The following TMPRSS3 variants were observed in gnomAD, a reference collection of about 807,000 sequenced individuals.
TMPRSS3 encodes transmembrane protease serine 3.
Under a neutral mutation model 59.6 loss-of-function variants are expected in TMPRSS3, and 55 were observed. The observed-to-expected ratio is 0.92, with a 90% CI of 0.74 to 1.16. The LOEUF is 1.16. TMPRSS3 is among the 50% of genes most tolerant of loss of function. TMPRSS3 has a pLI of 0.00. For missense variants in TMPRSS3, 596 were observed against 579.4 expected (o/e 1.03, Z -0.29); for synonymous variants, 257 against 237.7 (o/e 1.08, Z -0.75).
rs561523336 is a variant in TMPRSS3 at position 42,384,152 on chromosome 21, T to C, written c.573-139A>G. On this transcript the variant is annotated intron_variant, in intron 6 of 12. Transcript: ENST00000644384. The stretch of plus-strand genomic sequence containing the variant: ...GAATATAGATTACAATTTTAGTCTA[T>C]GTTCAAAAAAAAAAAAAACCATGAG... 1.4e-5 allele frequency: 10 copies of C among 720,448 alleles called. No homozygotes were observed. In the African/African-American group the frequency reaches 1.8e-4, roughly 13 times the overall value. The allele number at this position is 720,448 out of a possible 1,614,324, so 44.6% of individuals were successfully genotyped here.
At chr21:42,389,578 T>C (rs1260300346) in intron 3 of TMPRSS3, among the ~76,000 whole-genome samples, 1 of 152,254 alleles carries the variant, frequency 6.6e-6, no homozygotes, top group Admixed American at 6.5e-5. Flanking sequence ...AAACAGCTGG[T>C]GCGCCTGCAT....
chr21:42,377,677 G>GT (rs2052454456), intron 10 of TMPRSS3, among the ~76,000 whole-genome samples: 1 of 152,210 alleles, frequency 6.6e-6, no homozygotes, highest in African/African-American at 2.4e-5. Flanking sequence ...GCATCTTGGT[G>GT]TTTTAAAGAC....
chr21:42,389,107 C>A (rs2052690019), intron 3 of TMPRSS3, 62 bp from the exon 4 acceptor site: 1 of 1,607,144 alleles, frequency 6.2e-7, no homozygotes, highest in Non-Finnish European at 8.5e-7. Context: ...ACACTAACAA[C>A]TGTCCCCCTG....
At chr21:42,376,480 C>A in intron 11 of TMPRSS3, 61 bp downstream of exon 11, 1 of 1,607,140 alleles carries the variant, frequency 6.2e-7, no homozygotes, top group African/African-American at 1.3e-5. Context: ...ACGCTGGCAA[C>A]GACCTGTCCC....
At position 42,372,346 on chromosome 21, in the gene TMPRSS3, G is replaced by A. The variant is rs1312028092; in HGVS notation, c.*416C>T. 2.2e-6 allele frequency: 1 copy of A among 457,240 alleles called. No individual in the cohort carries two copies. Among genetic ancestry groups the A allele is most frequent in the East Asian group, 6.9e-5 (1 of 14,564 alleles). 28.3% of individuals were successfully genotyped at this position (457,240 alleles called of 1,614,324 possible). A position where few individuals can be genotyped will look rare whatever the true frequency, so the allele number is the denominator to read the frequency against. On this transcript the variant is annotated 3_prime_UTR_variant, in exon 13 of 13. Coordinates refer to ENST00000644384, the MANE Select transcript of TMPRSS3 (RefSeq NM_001256317.3). ...AGGCTGAAGCAGGCACATCATTTGA[G>A]GTCAGGGGTTTGAGAGCAGCCTGGC...
chr21:42,383,811 G>T, intron 7 of TMPRSS3, 159 bp downstream of exon 7: 1 of 780,434 alleles, frequency 1.3e-6, no homozygotes, highest in Non-Finnish European at 2.3e-6. Context: ...GGATGACACT[G>T]CTCCCCTCCT....
intron 6 of TMPRSS3, 109 bp downstream of exon 6, chr21:42,385,300 G>C: frequency 6.7e-7 from 1 of 1,498,734 alleles, no homozygotes. Flanking sequence ...CCTTCCATCT[G>C]AGATAACACA....
Position 42,389,190 on chromosome 21 carries a change from C to T in TMPRSS3, c.206-145G>A, listed in dbSNP as rs149826945. 845 of 1,505,738 alleles carry T rather than the reference C, an allele frequency of 5.6e-4. 3 individuals are homozygous for T. In the African/African-American group the frequency reaches 9.3e-3, roughly 17 times the overall value. The allele number at this position is 1,505,738 out of a possible 1,614,324, so 93.3% of individuals were successfully genotyped here. A position where few individuals can be genotyped will look rare whatever the true frequency, so the allele number is the denominator to read the frequency against. On this transcript the variant is annotated intron_variant, in intron 3 of 12. Transcript: ENST00000644384. ...TTGCGTCCCTGTCAGCAGCCTGTTT[C>T]CTGCAGCCCAGTTTCTGTTTTGAAT...
In TMPRSS3 at chr21:42,382,207, G is replaced by T. The variant is rs144303402; in HGVS notation, c.810C>A (p.Ile270=). The T allele has an allele frequency of 5.6e-6, 9 of 1,614,080 alleles. No homozygotes were observed. Among genetic ancestry groups the T allele is most frequent in the Non-Finnish European group, 6.8e-6 (8 of 1,180,036 alleles). ...YDLYLPKSWT[I]QVGLVSLLDN... ...CCAACAGGGAAACTAGACCCACCTG[G>T]ATGGTCCATGACTTGGGGAGGTACA... Residue 270 remains isoleucine, a synonymous_variant, in exon 9 of 13, where the codon ATC becomes ATA. Coordinates refer to ENST00000644384, the MANE Select transcript of TMPRSS3 (RefSeq NM_001256317.3).
At chr21:42,376,476 G>A in intron 11 of TMPRSS3, 65 bp downstream of exon 11, 1 of 1,605,468 alleles carries the variant, frequency 6.2e-7, no homozygotes, top group Non-Finnish European at 8.5e-7. Flanking sequence ...GGAAACGCTG[G>A]CAACGACCTG....
intron 2 of TMPRSS3, among the ~76,000 whole-genome samples, chr21:42,394,124 G>GAAC (rs1443430046): frequency 1.3e-5 from 2 of 151,926 alleles, no homozygotes; most frequent in African/African-American, 4.8e-5. Flanking sequence ...TTCTTCTAAT[G>GAAC]AACAATACAT....
intron 10 of TMPRSS3, among the ~76,000 whole-genome samples, chr21:42,378,537 C>A (rs533403515): frequency 6.6e-6 from 1 of 152,216 alleles, no homozygotes; most frequent in East Asian, 1.9e-4. Context: ...TACAGAGACA[C>A]AGGGGGCAAA....
rs1026385159 is a variant in TMPRSS3 at position 42,376,069 on chromosome 21, C to A, written c.1192-201G>T. ...ATCCCCAAGGGAGGATGTCCCTCGGCCCCTTTGGGGTGCTGCCTCCAGCTG... is the reference window on the plus strand; with the variant it reads ...ATCCCCAAGGGAGGATGTCCCTCGGACCCTTTGGGGTGCTGCCTCCAGCTG... On this transcript the variant is annotated intron_variant, in intron 11 of 12. Coordinates refer to ENST00000644384, the MANE Select transcript of TMPRSS3 (RefSeq NM_001256317.3). Among the ~76,000 whole-genome samples the A allele has an allele frequency of 2.0e-5, 3 of 152,186 alleles. No homozygotes were observed. The East Asian group carries it at 5.8e-4, about 29-fold the overall frequency.
intron 11 of TMPRSS3, among the ~76,000 whole-genome samples, chr21:42,376,070 C>G (rs571215170): frequency 1.3e-5 from 2 of 152,190 alleles, no homozygotes; most frequent in Non-Finnish European, 2.9e-5. Flanking sequence ...GTCCCTCGGC[C>G]CCTTTGGGGT....
intron 10 of TMPRSS3, among the ~76,000 whole-genome samples, chr21:42,379,179 C>T (rs539198942): frequency 6.6e-6 from 1 of 152,096 alleles, no homozygotes; most frequent in African/African-American, 2.4e-5. Flanking sequence ...AACCACTGCA[C>T]CCGGCCCAGG....
chr21:42,377,359 G>A lies in TMPRSS3; in HGVS notation c.1049-676C>T, dbSNP rs1008738334. ...TCGAAGATGCGGCATTGCTGCCCCG[G>A]AAGACCAAGGAGGGGCACGAGCCAA... On this transcript the variant is annotated intron_variant, in intron 10 of 12. Transcript: ENST00000644384. 8.8e-4 allele frequency among the ~76,000 whole-genome samples: 134 copies of A among 152,194 alleles called. 1 individual carries two copies. The highest frequency in any genetic ancestry group is 2.1e-4 in the Non-Finnish European group (14 of 68,022).
intron 9 of TMPRSS3, among the ~76,000 whole-genome samples, chr21:42,381,500 A>G (rs911536150): frequency 6.6e-6 from 1 of 152,224 alleles, no homozygotes; most frequent in African/African-American, 2.4e-5. Context: ...CCCCTCCACA[A>G]TAGGCTCCTG....
rs533969258 is a variant in TMPRSS3, at chr21:42,384,049, C to A, written c.573-36G>T. On this transcript the variant is annotated intron_variant, in intron 6 of 12. Transcript: ENST00000644384. ...GAAAAAGTAGGCTCTGTGAAAAATG[C>A]CCCAGATCTGTGAAAGGAACACTCT... 4 of 1,609,668 alleles carry A rather than the reference C, an allele frequency of 2.5e-6. No homozygotes were observed. The East Asian group carries it at 8.9e-5, about 36-fold the overall frequency.
chr21:42,375,944 G>T, intron 11 of TMPRSS3, 76 bp from the exon 12 acceptor site: 1 of 1,582,572 alleles, frequency 6.3e-7, no homozygotes, highest in Middle Eastern at 1.8e-4. Flanking sequence ...ACAGTCTGCC[G>T]TGTGAGGCTG....
Sources: gnomAD v4.1 joint callset for allele counts (sites outside exome capture counted in the v4.1 genomes callset) on GRCh38, gnomAD v4.1.1 for gene constraint, MANE v1.5 for transcripts, NCBI Gene and HGNC (gene_info 2026-07-23, HGNC 2026-07-21) for gene names.